Variants in COBL observed in about 807,000 individuals in gnomAD.
COBL encodes the protein protein cordon-bleu.
A neutral mutation model predicts 98.8 loss-of-function variants in COBL; 51 were observed. The observed-to-expected ratio is 0.52, with a 90% CI of 0.41 to 0.65. The LOEUF is 0.65. COBL is among the 30% of genes least tolerant of loss of function. The pLI is 0.00. For synonymous variants in COBL, 634 were observed against 651.7 expected (o/e 0.97, Z 0.41); for missense variants, 1,617 against 1,617.5 (o/e 1.00, Z 0.01).
chr7:51,024,582 T>C (rs148363910), intron 12 of COBL, among the ~76,000 whole-genome samples: 19 of 152,084 alleles, frequency 1.2e-4, no homozygotes, highest in Non-Finnish European at 2.2e-4. Flanking sequence ...ATCCAGAAAG[T>C]GCATGCTCTG....
At chr7:51,165,062 G>C (rs980482128) in intron 5 of COBL, among the ~76,000 whole-genome samples, 2 of 151,896 alleles carry the variant, frequency 1.3e-5, no homozygotes, top group Non-Finnish European at 2.9e-5. Flanking sequence ...AAGGAAGACA[G>C]GAAGGGAGGG....
chr7:51,212,173 G>C (rs1015467206), intron 2 of COBL, among the ~76,000 whole-genome samples: 1 of 152,064 alleles, frequency 6.6e-6, no homozygotes, highest in Non-Finnish European at 1.5e-5. Context: ...AAACTTAATA[G>C]AATTATTATA....
chr7:51,066,907 T>C (rs1791988155), intron 7 of COBL, among the ~76,000 whole-genome samples: 1 of 152,260 alleles, frequency 6.6e-6, no homozygotes, highest in African/African-American at 2.4e-5. Context: ...TTGATTTGGA[T>C]TTCTGCCCTA....
chr7:51,059,285 C>G (rs961333374), intron 7 of COBL, among the ~76,000 whole-genome samples: 6 of 152,098 alleles, frequency 3.9e-5, no homozygotes, highest in Non-Finnish European at 7.4e-5. Context: ...GTTTTGGTGA[C>G]CAGAAATATA....
chr7:51,212,635 T>A (rs966486308), intron 2 of COBL, among the ~76,000 whole-genome samples: 1 of 152,208 alleles, frequency 6.6e-6, no homozygotes, highest in Non-Finnish European at 1.5e-5. Flanking sequence ...ACAGTCCCCC[T>A]GTTCATGCCA....
At chr7:51,242,308 T>C (rs1795862561) in intron 1 of COBL, among the ~76,000 whole-genome samples, 1 of 152,190 alleles carries the variant, frequency 6.6e-6, no homozygotes. Flanking sequence ...CCCCAGAAAA[T>C]TCTGTAACCA....
rs187509561 is a variant in COBL, at chr7:51,080,467, T to C, written c.1096+4699A>G. ...TGCAGGGTGATGGATGAAGCAAAGA[T>C]TGAGAGTCCGAGATCCCATAAAGAG... On this transcript the variant is annotated intron_variant, in intron 7 of 12. Coordinates refer to ENST00000265136, the MANE Select transcript of COBL (RefSeq NM_015198.5). Among the ~76,000 whole-genome samples the C allele has an allele frequency of 1.1e-4, 17 of 152,204 alleles. No individual in the cohort carries two copies. In the East Asian group the frequency reaches 2.7e-3, roughly 24 times the overall value.
intron 6 of COBL, among the ~76,000 whole-genome samples, chr7:51,114,680 T>C (rs1330785244): frequency 6.6e-6 from 1 of 152,270 alleles, no homozygotes; most frequent in South Asian, 2.1e-4. Flanking sequence ...TTCCCCCAGA[T>C]TGTCACAAGG....
intron 1 of COBL, among the ~76,000 whole-genome samples, chr7:51,282,414 G>C (rs185721583): frequency 1.6e-3 from 241 of 152,082 alleles, no homozygotes; most frequent in Non-Finnish European, 2.4e-3. Flanking sequence ...AAAGAAAGCT[G>C]GGATGGTTAT....
At chr7:51,137,273 C>T (rs368661231) in intron 5 of COBL, among the ~76,000 whole-genome samples, 6 of 152,250 alleles carry the variant, frequency 3.9e-5, no homozygotes, top group South Asian at 2.1e-4. Flanking sequence ...TGACCTTAGA[C>T]GAGGTATTTT....
Position 51,025,294 on chromosome 7 carries a change from G to C in COBL, c.3583C>G (p.Leu1195Val). The C allele has an allele frequency of 1.2e-6, 2 of 1,612,088 alleles. No homozygotes were observed. The highest frequency in any genetic ancestry group is 1.7e-6 in the Non-Finnish European group (2 of 1,179,552). The change falls in exon 12 of 13, where the codon CTA becomes GTA. Residue 1195 changes from leucine (L) to valine (V), a missense_variant. This residue lies in a region of COBL where 1,304 missense variants were observed against 1,282.0 expected (regional missense o/e 1.02). Coordinates refer to ENST00000265136, the MANE Select transcript of COBL (RefSeq NM_015198.5). ...GGGGACAGAAGACCAAGGTCTTCTA[G>C]CAGAGGACTTTCCGAGCCCTGAGCA... is the stretch of plus-strand genomic sequence containing the variant. ...LSAQGSESPLLEDLGLLSPPA... is the reference protein window; with the variant it reads ...LSAQGSESPLVEDLGLLSPPA...
chr7:51,241,437 C>T (rs961190949), intron 1 of COBL, among the ~76,000 whole-genome samples: 18 of 152,186 alleles, frequency 1.2e-4, no homozygotes, highest in Admixed American at 2.6e-4. Context: ...CTGGGCAGAG[C>T]TGGTCCCCTC....
intron 1 of COBL, among the ~76,000 whole-genome samples, chr7:51,292,146 CA>C (rs796266265): frequency 0.022 from 1,900 of 84,814 alleles, 23 homozygotes; most frequent in African/African-American, 0.061. Flanking sequence ...GACTTTGACT[CA>C]AAAAAAAAAA....
chr7:51,237,538 T>TTA (rs1554441654), intron 1 of COBL, among the ~76,000 whole-genome samples: 2 of 132,760 alleles, frequency 1.5e-5, no homozygotes. Flanking sequence ...TTTTTTTTCT[T>TTA]AAAAAAAAAA....
At chr7:51,163,814 A>G (rs1380730468) in intron 5 of COBL, among the ~76,000 whole-genome samples, 4 of 152,178 alleles carry the variant, frequency 2.6e-5, no homozygotes, top group Non-Finnish European at 5.9e-5. Flanking sequence ...AGCCTTACAC[A>G]TGAATCATTT....
chr7:51,259,901 A>G (rs1797566420), intron 1 of COBL: 7 of 757,114 alleles, frequency 9.2e-6, no homozygotes, highest in South Asian at 4.1e-5. Flanking sequence ...AATGCGTACA[A>G]TAAAGGCCAA....
intron 7 of COBL, among the ~76,000 whole-genome samples, chr7:51,055,733 G>A (rs1790685077): frequency 6.6e-6 from 1 of 152,310 alleles, no homozygotes; most frequent in African/African-American, 2.4e-5. Context: ...AGAGTTCCTG[G>A]CCAGCCGGCT....
At chr7:51,214,977 T>C (rs1368777425) in intron 2 of COBL, among the ~76,000 whole-genome samples, 1 of 152,094 alleles carries the variant, frequency 6.6e-6, no homozygotes, top group Non-Finnish European at 1.5e-5. Flanking sequence ...GCCCTGCTTC[T>C]CACATAAACC....
chr7:51,184,502 C>T (rs1789297640), intron 4 of COBL, among the ~76,000 whole-genome samples: 1 of 152,194 alleles, frequency 6.6e-6, no homozygotes, highest in African/African-American at 2.4e-5. Context: ...AGCTGTCCAA[C>T]AGAAAGCTAA....
Sources: allele counts gnomAD v4.1 joint callset (sites outside exome capture counted in the v4.1 genomes callset), GRCh38; gene constraint gnomAD v4.1.1; regional missense constraint gnomAD v4.1.1; transcripts MANE v1.5; gene names NCBI Gene and HGNC (gene_info 2026-07-23, HGNC 2026-07-21).